SLC24A2: variants seen among roughly 807,000 people sequenced by gnomAD.
SLC24A2 encodes sodium/potassium/calcium exchanger 2.
A neutral mutation model predicts 62.0 loss-of-function variants in SLC24A2; 36 were observed. The observed-to-expected ratio is 0.58, with a 90% CI of 0.44 to 0.77. The LOEUF is 0.77. SLC24A2 is among the 30% of genes least tolerant of loss of function. The pLI, the probability that SLC24A2 is intolerant of heterozygous loss-of-function variation, is 0.00. For synonymous variants in SLC24A2, 358 were observed against 294.0 expected, an observed-to-expected ratio of 1.22 and a Z score of -2.23; for missense variants, 846 against 817.9, an observed-to-expected ratio of 1.03 and a Z score of -0.42.
At chr9:20,028,617 G>T in the SLC24A2 span, among the ~76,000 whole-genome samples, 1 of 152,204 alleles carries the variant, frequency 6.6e-6, no homozygotes, top group African/African-American at 2.4e-5. Flanking sequence ...CCATAGAAAC[G>T]TGCCATTCTG....
At chr9:19,851,027 A>AT in the SLC24A2 span, among the ~76,000 whole-genome samples, 3,008 of 55,212 alleles carry the variant, frequency 0.054, 279 homozygotes, top group East Asian at 0.14. Flanking sequence ...ATATATACAT[A>AT]TTTTTTTTTT....
intron 2 of SLC24A2, among the ~76,000 whole-genome samples, chr9:19,754,646 A>ATT (rs5896863): frequency 4.4e-4 from 63 of 143,730 alleles, no homozygotes; most frequent in African/African-American, 1.5e-3. Flanking sequence ...TCATGGGAGG[A>ATT]TTTTTTTTTT....
At chr9:19,566,225 G>T (rs1248070754) in intron 7 of SLC24A2, among the ~76,000 whole-genome samples, 4 of 149,544 alleles carry the variant, frequency 2.7e-5, no homozygotes, top group Admixed American at 6.7e-5. Context: ...ATCTGACAAA[G>T]GGCTAATATC....
At chr9:19,517,079 C>A (rs185209740) in intron 10 of SLC24A2, among the ~76,000 whole-genome samples, 138 of 152,184 alleles carry the variant, frequency 9.1e-4, no homozygotes, top group African/African-American at 3.2e-3. Flanking sequence ...CTGTTTTCTC[C>A]CTTTTCATTC....
the SLC24A2 span, among the ~76,000 whole-genome samples, chr9:20,220,089 T>C: frequency 6.6e-6 from 1 of 152,174 alleles, no homozygotes; most frequent in East Asian, 1.9e-4. Flanking sequence ...GAATAATTCC[T>C]TTTACATGCT....
chr9:20,121,429 AG>A, the SLC24A2 span, among the ~76,000 whole-genome samples: 1 of 152,078 alleles, frequency 6.6e-6, no homozygotes, highest in Non-Finnish European at 1.5e-5. Flanking sequence ...CTTTTTTTAA[AG>A]GCCAAAAAGT....
the SLC24A2 span, among the ~76,000 whole-genome samples, chr9:20,268,526 G>T: frequency 6.6e-6 from 1 of 152,150 alleles, no homozygotes; most frequent in African/African-American, 2.4e-5. Flanking sequence ...ATCTGAGCTA[G>T]CACACTCAGC....
chr9:20,272,925 C>A, the SLC24A2 span, among the ~76,000 whole-genome samples: 1 of 152,208 alleles, frequency 6.6e-6, no homozygotes, highest in Non-Finnish European at 1.5e-5. Flanking sequence ...AGGTTAAGAT[C>A]CCTCAGTGTG....
the SLC24A2 span, among the ~76,000 whole-genome samples, chr9:19,974,264 T>G: frequency 6.6e-6 from 1 of 152,170 alleles, no homozygotes; most frequent in Non-Finnish European, 1.5e-5. Flanking sequence ...ACTTGGAAGG[T>G]AGAAGTACAG....
At chr9:20,089,713 A>T in the SLC24A2 span, among the ~76,000 whole-genome samples, 1 of 109,628 alleles carries the variant, frequency 9.1e-6, no homozygotes, top group African/African-American at 3.6e-5. Context: ...CCACTGCCAC[A>T]GTAGCAGTTC....
the SLC24A2 span, among the ~76,000 whole-genome samples, chr9:20,295,250 G>A: frequency 1.3e-5 from 2 of 151,992 alleles, no homozygotes; most frequent in African/African-American, 2.4e-5. Flanking sequence ...AATACCAAAT[G>A]TTGAAATCTT....
At chr9:19,999,894 A>G in the SLC24A2 span, among the ~76,000 whole-genome samples, 1 of 152,150 alleles carries the variant, frequency 6.6e-6, no homozygotes, top group South Asian at 2.1e-4. Flanking sequence ...CACTGGTGGC[A>G]ATTTTGCCAA....
intron 7 of SLC24A2, among the ~76,000 whole-genome samples, chr9:19,561,603 T>C (rs182246707): frequency 1.3e-5 from 2 of 151,894 alleles, no homozygotes; most frequent in Admixed American, 1.3e-4. Flanking sequence ...CCTGGCTAAT[T>C]TTTTGTATTT....
chr9:19,946,916 A>C, the SLC24A2 span, among the ~76,000 whole-genome samples: 1 of 152,074 alleles, frequency 6.6e-6, no homozygotes, highest in Non-Finnish European at 1.5e-5. Context: ...ATGTCTAATA[A>C]ATAGCTTTCT....
At chr9:19,945,271 G>A in the SLC24A2 span, among the ~76,000 whole-genome samples, 95 of 152,178 alleles carry the variant, frequency 6.2e-4, no homozygotes, top group African/African-American at 2.1e-3. Flanking sequence ...GCAGGTGGAG[G>A]AATATACACT....
chr9:19,822,989 C>T, the SLC24A2 span, among the ~76,000 whole-genome samples: 1 of 152,126 alleles, frequency 6.6e-6, no homozygotes, highest in East Asian at 1.9e-4. Flanking sequence ...ATCTAAAACT[C>T]ACCCACCCTT....
chr9:20,188,294 T>G, the SLC24A2 span, among the ~76,000 whole-genome samples: 1 of 152,182 alleles, frequency 6.6e-6, no homozygotes, highest in Non-Finnish European at 1.5e-5. Flanking sequence ...TCATGAGGTT[T>G]CCTTAGCTCA....
At chr9:20,140,486 C>T in the SLC24A2 span, among the ~76,000 whole-genome samples, 3 of 152,152 alleles carry the variant, frequency 2.0e-5, no homozygotes, top group Admixed American at 6.5e-5. Flanking sequence ...AAGACTCAGG[C>T]AGACTGGAAA....
the SLC24A2 span, among the ~76,000 whole-genome samples, chr9:20,276,982 T>G: frequency 1.8e-4 from 27 of 152,314 alleles, no homozygotes; most frequent in South Asian, 4.4e-3. Context: ...TCCTGGCTTG[T>G]GATGGGAAGG....
Sources: gnomAD v4.1 joint callset for allele counts (sites outside exome capture counted in the v4.1 genomes callset) on GRCh38, gnomAD v4.1.1 for gene constraint, MANE v1.5 for transcripts, NCBI Gene and HGNC (gene_info 2026-07-23, HGNC 2026-07-21) for gene names.